LANCL2: variants seen among roughly 807,000 people sequenced by gnomAD.
LANCL2 encodes lanC-like protein 2.
Under a neutral mutation model 56.9 loss-of-function variants are expected in LANCL2, and 33 were observed. That is an observed-to-expected ratio of 0.58 (90% CI 0.44 to 0.78). The LOEUF (loss-of-function observed/expected upper bound fraction) is 0.78. LANCL2 is among the 30% of genes least tolerant of loss of function. The pLI, the probability that LANCL2 is intolerant of heterozygous loss-of-function variation, is 0.00. For missense variants in LANCL2, 562 were observed against 580.2 expected, an observed-to-expected ratio of 0.97 and a Z score of 0.32; for synonymous variants, 233 against 228.2, an observed-to-expected ratio of 1.02 and a Z score of -0.19.
intron 5 of LANCL2, among the ~76,000 whole-genome samples, chr7:55,403,548 G>A (rs1790368053): frequency 6.6e-6 from 1 of 150,452 alleles, no homozygotes; most frequent in Admixed American, 6.6e-5. Flanking sequence ...CACTTTTCTG[G>A]GTTTTTTTTG....
chr7:55,384,878 C>A (rs1790107675), intron 1 of LANCL2, among the ~76,000 whole-genome samples: 1 of 152,116 alleles, frequency 6.6e-6, no homozygotes, highest in African/African-American at 2.4e-5. Flanking sequence ...TCATCACCAC[C>A]ACCATGTAAA....
chr7:55,398,742 T>A (rs982210359), intron 3 of LANCL2, 112 bp downstream of exon 3: 19 of 811,312 alleles, frequency 2.3e-5, no homozygotes, highest in Non-Finnish European at 3.7e-5. Context: ...TGTAAACAGA[T>A]CACTCCAAAA....
intron 1 of LANCL2, chr7:55,379,743 T>C (rs1294031558): frequency 6.6e-6 from 1 of 152,666 alleles, no homozygotes; most frequent in East Asian, 1.9e-4. Flanking sequence ...GTTACTCTTT[T>C]TGGTGCATTC....
chr7:55,392,267 T>G (rs1185134389), intron 2 of LANCL2, among the ~76,000 whole-genome samples: 2 of 151,940 alleles, frequency 1.3e-5, no homozygotes, highest in Non-Finnish European at 2.9e-5. Flanking sequence ...CACTCCAGCC[T>G]GAGCCACAGA....
At chr7:55,413,919 G>A (rs902565154) in intron 6 of LANCL2, among the ~76,000 whole-genome samples, 8 of 152,180 alleles carry the variant, frequency 5.3e-5, no homozygotes, top group Admixed American at 5.2e-4. Flanking sequence ...TATATATTTT[G>A]TATTTCAAAA....
At position 55,365,986 on chromosome 7, in the gene LANCL2, AGGAGGTTTGTCCCCGCCCGCGCGCCGTAC is replaced by A. The variant is rs1399160245; in HGVS notation, c.-39_-11del. On this transcript the variant is annotated 5_prime_UTR_variant, in exon 1 of 9. Transcript: ENST00000254770. ...GCGGGGCGAGCTGCAGCGCCGGGACAGGAGGTTTGTCCCCGCCCGCGCGCCGTACCGCGGCGGAGATGGGCGAGACCATG... is the reference window on the plus strand; with the variant it reads ...GCGGGGCGAGCTGCAGCGCCGGGACACGCGGCGGAGATGGGCGAGACCATG... 6 of 1,370,148 alleles carry A rather than the reference AGGAGGTTTGTCCCCGCCCGCGCGCCGTAC, an allele frequency of 4.4e-6. No homozygotes were observed. The highest frequency in any genetic ancestry group is 5.7e-6 in the Non-Finnish European group (6 of 1,046,830). 84.9% of individuals were successfully genotyped at this position (1,370,148 alleles called of 1,614,324 possible).
intron 1 of LANCL2, among the ~76,000 whole-genome samples, chr7:55,386,091 T>C (rs1790122460): frequency 6.6e-6 from 1 of 152,244 alleles, no homozygotes; most frequent in Non-Finnish European, 1.5e-5. Context: ...CTGTTCTTTT[T>C]TCAGGGTGCC....
At chr7:55,407,910 C>T (rs533573270) in intron 5 of LANCL2, among the ~76,000 whole-genome samples, 23 of 152,374 alleles carry the variant, frequency 1.5e-4, no homozygotes, top group Non-Finnish European at 2.2e-4. Flanking sequence ...GCAGCCCCTC[C>T]GGTGCACTGA....
At chr7:55,428,195 G>A (rs1217855443) in intron 7 of LANCL2, 180 bp from the exon 8 acceptor site, 5 of 614,344 alleles carry the variant, frequency 8.1e-6, no homozygotes, top group Non-Finnish European at 1.5e-5. Flanking sequence ...GCAGCCGCAA[G>A]CAGAGCCTTG....
chr7:55,380,869 C>CT (rs66710499), intron 1 of LANCL2, among the ~76,000 whole-genome samples: 21,148 of 118,474 alleles, frequency 0.18, 2,408 homozygotes, highest in Admixed American at 0.29. Context: ...GAGTGAATTT[C>CT]TTTTTTTTTT....
In LANCL2 at chr7:55,391,908, C is replaced by T; in HGVS notation, c.320C>T (p.Thr107Ile). 6.5e-7 allele frequency: 1 copy of T among 1,527,260 alleles called. No individual in the cohort carries two copies. Among genetic ancestry groups the T allele is most frequent in the Non-Finnish European group, 9.1e-7 (1 of 1,101,684 alleles). The allele number at this position is 1,527,260 out of a possible 1,614,324, so 94.6% of individuals were successfully genotyped here. ...GACTGCTCTGCTTATACTGGCTGGA[C>T]AGGTGAGGCTGTGGGGTCTAAATCA... ...PHDCSAYTGW[T>I]GIALLYLQLY... is the part of the protein sequence containing the mutation. The change falls in exon 2 of 9, where the codon ACA (threonine) becomes ATA (isoleucine). Residue 107 changes from threonine to isoleucine, a missense_variant and splice_region_variant. By Grantham distance (89) the Thr-to-Ile change is moderately conservative (BLOSUM62 -1). Coordinates refer to ENST00000254770, the MANE Select transcript of LANCL2 (RefSeq NM_018697.4).
rs1057266 is a variant in LANCL2, at chr7:55,365,572, C to A, written c.-454C>A. On this transcript the variant is annotated 5_prime_UTR_variant, in exon 1 of 9. Transcript: ENST00000254770. ...CGACCTCTTCTCTACAGGTTTTCCC[C>A]GCGGGAGCGTGGCCCTAGCGGGCGT... 45,541 of 153,368 alleles carry A rather than the reference C, an allele frequency of 0.3. 8,358 individuals carry two copies. The highest frequency in any genetic ancestry group is 0.55 in the East Asian group (2,857 of 5,208). The allele number at this position is 153,368 out of a possible 1,614,324, so 9.5% of individuals were successfully genotyped here.
intron 4 of LANCL2, among the ~76,000 whole-genome samples, 154 bp from the exon 5 acceptor site, chr7:55,401,020 A>G (rs963037628): frequency 6.6e-6 from 1 of 152,224 alleles, no homozygotes; most frequent in Non-Finnish European, 1.5e-5. Context: ...TAAAATAAAT[A>G]TAACTATATT....
At chr7:55,410,178 G>A (rs1423322664) in intron 5 of LANCL2, among the ~76,000 whole-genome samples, 2 of 152,136 alleles carry the variant, frequency 1.3e-5, no homozygotes, top group East Asian at 1.9e-4. Flanking sequence ...GGAACGACAT[G>A]GTCTGTTGGT....
At chr7:55,371,100 C>A (rs1328470700) in intron 1 of LANCL2, among the ~76,000 whole-genome samples, 1 of 152,206 alleles carries the variant, frequency 6.6e-6, no homozygotes, top group South Asian at 2.1e-4. Flanking sequence ...CTGTAGTTTT[C>A]ATGTTGTGCC....
At chr7:55,393,169 C>A (rs554943285) in intron 2 of LANCL2, among the ~76,000 whole-genome samples, 1 of 152,292 alleles carries the variant, frequency 6.6e-6, no homozygotes, top group South Asian at 2.1e-4. Context: ...AGACTGAAGT[C>A]CAAATTGCTA....
At chr7:55,403,991 T>C (rs1790375543) in intron 5 of LANCL2, among the ~76,000 whole-genome samples, 1 of 152,210 alleles carries the variant, frequency 6.6e-6, no homozygotes, top group Non-Finnish European at 1.5e-5. Flanking sequence ...CTTTGTCATG[T>C]CCTGATAACT....
intron 1 of LANCL2, among the ~76,000 whole-genome samples, chr7:55,389,460 G>A (rs1040258163): frequency 6.6e-5 from 10 of 152,200 alleles, no homozygotes; most frequent in Non-Finnish European, 1.3e-4. Context: ...TGAATGGATG[G>A]CCAAGTAAGC....
chr7:55,424,425 G>A (rs928548227), intron 6 of LANCL2, among the ~76,000 whole-genome samples: 1 of 152,036 alleles, frequency 6.6e-6, no homozygotes, highest in Non-Finnish European at 1.5e-5. Flanking sequence ...GGTGGTGCAG[G>A]GTCCTCAGGT....
Sources: gnomAD v4.1 joint callset for allele counts (sites outside exome capture counted in the v4.1 genomes callset) on GRCh38, gnomAD v4.1.1 for gene constraint, MANE v1.5 for transcripts, NCBI Gene and HGNC (gene_info 2026-07-23, HGNC 2026-07-21) for gene names.